Variants in NFIB observed in about 807,000 individuals in gnomAD.
The protein encoded by NFIB is nuclear factor I B.
Under a neutral mutation model 61.5 loss-of-function variants are expected in NFIB, and 11 were observed. That is an observed-to-expected ratio of 0.18 (90% CI 0.11 to 0.30). The LOEUF is 0.30. Ranked by LOEUF, NFIB falls within the 10% of genes least tolerant of loss-of-function variation. The pLI, the probability that NFIB is intolerant of heterozygous loss-of-function variation, is 1.00. For synonymous variants in NFIB, 260 were observed against 216.5 expected (o/e 1.20, Z -1.76); for missense variants, 471 against 608.9 (o/e 0.77, Z 2.38).
At chr9:14,103,692 C>T (rs1487029084) in intron 10 of NFIB, among the ~76,000 whole-genome samples, 1 of 152,050 alleles carries the variant, frequency 6.6e-6, no homozygotes, top group South Asian at 2.1e-4. Context: ...ATTTTTCTAT[C>T]GATCTATGAG....
the NFIB span, among the ~76,000 whole-genome samples, chr9:14,426,035 A>G: frequency 6.6e-6 from 1 of 152,110 alleles, no homozygotes; most frequent in African/African-American, 2.4e-5. Flanking sequence ...CTATTCAATT[A>G]CTTTCTTTTT....
intron 1 of NFIB, among the ~76,000 whole-genome samples, chr9:14,332,578 T>G (rs1471799382): frequency 6.6e-6 from 1 of 152,106 alleles, no homozygotes; most frequent in Admixed American, 6.5e-5. Flanking sequence ...ACGGGAGCAG[T>G]GAGGACCGGA....
At chr9:14,225,540 A>C (rs1022150167) in intron 2 of NFIB, among the ~76,000 whole-genome samples, 16 of 151,774 alleles carry the variant, frequency 1.1e-4, no homozygotes, top group Non-Finnish European at 7.4e-5. Context: ...CTTGTGCTGA[A>C]ATGAAGTGAT....
chr9:14,287,702 G>A (rs2058811190), intron 2 of NFIB, among the ~76,000 whole-genome samples: 1 of 151,930 alleles, frequency 6.6e-6, no homozygotes, highest in Non-Finnish European at 1.5e-5. Context: ...TTACAGGCAT[G>A]AGCCACTGCG....
intron 2 of NFIB, among the ~76,000 whole-genome samples, chr9:14,185,285 C>G (rs1003316816): frequency 6.6e-6 from 1 of 152,124 alleles, no homozygotes; most frequent in African/African-American, 2.4e-5. Flanking sequence ...TCCCACCTTT[C>G]TAAGACATAT....
intron 6 of NFIB, among the ~76,000 whole-genome samples, chr9:14,131,664 C>T (rs766417722): frequency 3.3e-5 from 5 of 152,196 alleles, no homozygotes; most frequent in African/African-American, 4.8e-5. Flanking sequence ...AACGTGTTTA[C>T]GTCAGCCCTT....
At chr9:14,178,948 G>T (rs2046457620) in intron 3 of NFIB, among the ~76,000 whole-genome samples, 2 of 152,000 alleles carry the variant, frequency 1.3e-5, no homozygotes, top group African/African-American at 2.4e-5. Context: ...CTGGTTCGGG[G>T]TTTTTGTGTT....
chr9:14,402,851 TA>T (rs932370201), upstream of NFIB, among the ~76,000 whole-genome samples: 2 of 152,200 alleles, frequency 1.3e-5, no homozygotes, highest in Non-Finnish European at 2.9e-5. Context: ...CTCAGAAATT[TA>T]AAAAATAATA....
intron 3 of NFIB, among the ~76,000 whole-genome samples, chr9:14,159,108 T>C (rs1587143522): frequency 1.3e-5 from 2 of 152,256 alleles, no homozygotes; most frequent in South Asian, 4.1e-4. Context: ...AGCCAAATCA[T>C]GAAGAAGGGA....
intron 2 of NFIB, among the ~76,000 whole-genome samples, chr9:14,218,961 C>A (rs2051293623): frequency 6.6e-6 from 1 of 152,132 alleles, no homozygotes; most frequent in Non-Finnish European, 1.5e-5. Flanking sequence ...AAAATCATTC[C>A]TCTCATGGTC....
At chr9:14,314,164 G>T (rs999945118), upstream of NFIB, 5 of 985,544 alleles carry the variant, frequency 5.1e-6, no homozygotes, top group African/African-American at 1.8e-5. Flanking sequence ...GGGCGCGCGC[G>T]GGAGAGGGCC....
intron 1 of NFIB, among the ~76,000 whole-genome samples, chr9:14,330,540 G>C (rs912311177): frequency 1.3e-5 from 2 of 152,182 alleles, no homozygotes; most frequent in African/African-American, 4.8e-5. Flanking sequence ...ATCTAAGAAT[G>C]ATGATCCATG....
the NFIB span, among the ~76,000 whole-genome samples, chr9:14,470,348 A>G: frequency 1.3e-5 from 2 of 152,024 alleles, no homozygotes; most frequent in Non-Finnish European, 2.9e-5. Context: ...TCTAAATTGC[A>G]TATGGTTTTG....
rs1455937583 is a variant in NFIB at position 14,346,288 on chromosome 9, A to ACCCCC, written c.109-38769_109-38768insGGGGG. On this transcript the variant is annotated intron_variant, in intron 1 of 8. Coordinates refer to the NFIB transcript ENST00000380934. The stretch of plus-strand genomic sequence containing the variant: ...TATCCGCAGTCACACGAGGTAACCG[A>ACCCCC]CACCCCCCCCCCGTAACCTGAGCTA... Among the ~76,000 whole-genome samples, 148 of 71,762 alleles carry ACCCCC rather than the reference A, an allele frequency of 2.1e-3. 1 individual carries two copies. Among genetic ancestry groups the ACCCCC allele is most frequent in the Non-Finnish European group, 4.2e-3 (109 of 25,872 alleles). 47.1% of individuals were successfully genotyped at this position (71,762 alleles called of 152,430 possible).
chr9:14,363,367 T>C (rs1182759138), intron 1 of NFIB, among the ~76,000 whole-genome samples: 1 of 152,132 alleles, frequency 6.6e-6, no homozygotes, highest in Non-Finnish European at 1.5e-5. Flanking sequence ...TGTGGGCTAA[T>C]TATTACAATG....
At chr9:14,432,346 GTCA>G in the NFIB span, among the ~76,000 whole-genome samples, 1 of 152,188 alleles carries the variant, frequency 6.6e-6, no homozygotes, top group East Asian at 1.9e-4. Context: ...GTTGGTTCTG[GTCA>G]TCTTTTATTC....
At chr9:14,428,935 A>G in the NFIB span, among the ~76,000 whole-genome samples, 1 of 152,214 alleles carries the variant, frequency 6.6e-6, no homozygotes, top group African/African-American at 2.4e-5. Flanking sequence ...CTGGTCTTTG[A>G]TGAACGACAA....
intron 2 of NFIB, among the ~76,000 whole-genome samples, chr9:14,277,414 C>T (rs1046283663): frequency 3.9e-5 from 6 of 151,952 alleles, no homozygotes; most frequent in South Asian, 2.1e-4. Flanking sequence ...AGAAGTGTGC[C>T]GAGGCATGTT....
At chr9:14,402,047 G>T (rs772128018), upstream of NFIB, among the ~76,000 whole-genome samples, 2 of 152,112 alleles carry the variant, frequency 1.3e-5, no homozygotes, top group Non-Finnish European at 2.9e-5. Flanking sequence ...TTTTTACAAG[G>T]CATATGGAAA....
Sources: gnomAD v4.1 joint callset for allele counts (sites outside exome capture counted in the v4.1 genomes callset) on GRCh38, gnomAD v4.1.1 for gene constraint, MANE v1.5 for transcripts, NCBI Gene and HGNC (gene_info 2026-07-23, HGNC 2026-07-21) for gene names.